Variants in GPR149 observed in about 807,000 individuals in gnomAD.
GPR149 encodes the protein G protein-coupled receptor 149.
A neutral mutation model predicts 50.2 loss-of-function variants in GPR149; 50 were observed. The observed-to-expected ratio is 1.00, with a 90% CI of 0.79 to 1.26. The LOEUF (loss-of-function observed/expected upper bound fraction) is 1.26. Among genes scored for constraint, GPR149 ranks in the 50% most tolerant of loss-of-function variants. GPR149 has a pLI of 0.00. For missense variants in GPR149, 983 were observed against 895.4 expected (o/e 1.10, Z -1.25); for synonymous variants, 405 against 358.2 (o/e 1.13, Z -1.48).
rs373212063 is a variant in GPR149, at chr3:154,341,292, CATATATATAT to C, written c.1624-3031_1624-3022del. On this transcript the variant is annotated intron_variant, in intron 3 of 3. Transcript: ENST00000389740. ...GCAAAAAATCAAGAAAAAAATAAGA[CATATATATAT>C]ATATATATATATATATATATATATA... Among the ~76,000 whole-genome samples, 402 of 72,882 alleles carry C rather than the reference CATATATATAT, an allele frequency of 5.5e-3. 4 individuals carry two copies. Among genetic ancestry groups the C allele is most frequent in the Admixed American group, 0.021 (112 of 5,242 alleles). 47.8% of individuals were successfully genotyped at this position (72,882 alleles called of 152,430 possible).
chr3:154,378,530 G>A lies in GPR149; in HGVS notation c.1624-40259C>T, dbSNP rs141162028. On this transcript the variant is annotated intron_variant, in intron 3 of 3. Transcript: ENST00000389740. ...GGACACATGTTTTTAATTTTTTTTG[G>A]TAGAATGCTAGGAGTGGAATTCCTG... is the stretch of plus-strand genomic sequence containing the variant. Among the ~76,000 whole-genome samples, 1,477 of 152,176 alleles carry A rather than the reference G, an allele frequency of 9.7e-3. 18 individuals are homozygous for A. Among genetic ancestry groups the A allele is most frequent in the Non-Finnish European group, 0.015 (996 of 68,008 alleles).
intron 3 of GPR149, among the ~76,000 whole-genome samples, chr3:154,341,325 ATATATATAT>A (rs1559968370): frequency 1.1e-5 from 1 of 94,130 alleles, no homozygotes; most frequent in African/African-American, 3.7e-5. Context: ...ATATATATAT[ATATATATAT>A]ATATATAAAA....
intron 3 of GPR149, among the ~76,000 whole-genome samples, chr3:154,397,617 A>G (rs1464246472): frequency 6.6e-6 from 1 of 152,158 alleles, no homozygotes; most frequent in Non-Finnish European, 1.5e-5. Flanking sequence ...TGTTGAAAAT[A>G]CTATATAATA....
At chr3:154,369,818 C>T (rs1419252681) in intron 3 of GPR149, among the ~76,000 whole-genome samples, 1 of 152,204 alleles carries the variant, frequency 6.6e-6, no homozygotes, top group Non-Finnish European at 1.5e-5. Context: ...CTTGATCAGA[C>T]CTTAAGTCCT....
intron 3 of GPR149, among the ~76,000 whole-genome samples, chr3:154,351,064 C>T (rs1172524456): frequency 1.3e-5 from 2 of 151,638 alleles, no homozygotes; most frequent in Non-Finnish European, 2.9e-5. Context: ...ATATAGGAAC[C>T]CACAGATACA....
At chr3:154,340,873 C>T (rs962147050) in intron 3 of GPR149, among the ~76,000 whole-genome samples, 1 of 152,116 alleles carries the variant, frequency 6.6e-6, no homozygotes, top group African/African-American at 2.4e-5. Context: ...AGGTGCGTGC[C>T]ACCACACCTG....
chr3:154,378,960 G>GTTTTTTTTT (rs1233646436), intron 3 of GPR149, among the ~76,000 whole-genome samples: 1 of 18,308 alleles, frequency 5.5e-5, no homozygotes. Context: ...TCCTTTATCG[G>GTTTTTTTTT]CCGGGCGCGG....
intron 3 of GPR149, among the ~76,000 whole-genome samples, chr3:154,408,007 A>G (rs1178116561): frequency 3.3e-5 from 5 of 152,138 alleles, no homozygotes; most frequent in Admixed American, 6.5e-5. Context: ...ATGGCCAAAT[A>G]TAGGATAGTT....
At position 154,421,105 on chromosome 3, in the gene GPR149, C is replaced by G. The variant is rs1267745992; in HGVS notation, c.1557G>C (p.Glu519Asp). Residue 519 changes from glutamate to aspartate, a missense_variant, in exon 3 of 4, where the codon GAG (glutamate) becomes GAC (aspartate). Transcript: ENST00000389740. ...EGPERRLSHE[E>D]SQKPDLSDWE... ...AGTCTGAAAGATCTGGTTTCTGACT[C>G]TCTTCATGAGACAGTCTTCTTTCTG... The G allele has an allele frequency of 3.1e-6, 5 of 1,613,220 alleles. No individual in the cohort carries two copies. In the Admixed American group the frequency reaches 5.0e-5, roughly 16 times the overall value.
In GPR149 at chr3:154,338,166, C is replaced by T. The variant is rs192779142; in HGVS notation, c.1729G>A (p.Ala577Thr). 77 of 1,614,092 alleles carry T rather than the reference C, an allele frequency of 4.8e-5. No individual in the cohort carries two copies. The highest frequency in any genetic ancestry group is 2.3e-4 in the Admixed American group (14 of 60,012). The change falls in exon 4 of 4, where the codon GCA becomes ACA. Residue 577 changes from alanine (A) to threonine (T), a missense_variant. Ala to Thr is a moderately conservative substitution (Grantham distance 58, BLOSUM62 0). Coordinates refer to ENST00000389740, the MANE Select transcript of GPR149 (RefSeq NM_001038705.3). Reference sequence around the variant, plus strand: ...GCTGGAGTTATTTTTTGCCCTTCTGCGCTTACCTCATAGGTAGAAAGAGAT... The same window carrying T: ...GCTGGAGTTATTTTTTGCCCTTCTGTGCTTACCTCATAGGTAGAAAGAGAT... ...TLSLSTYEVS[A>T]EGQKITPASK...
chr3:154,415,591 A>T (rs1363763355), intron 3 of GPR149, among the ~76,000 whole-genome samples: 1 of 151,962 alleles, frequency 6.6e-6, no homozygotes, highest in Non-Finnish European at 1.5e-5. Flanking sequence ...AGCAGAGCGC[A>T]TGCAGTACAT....
intron 3 of GPR149, chr3:154,353,390 T>G (rs1335460090): frequency 7.8e-7 from 1 of 1,280,844 alleles, no homozygotes; most frequent in East Asian, 2.3e-5. Flanking sequence ...GGTCTTCAGA[T>G]TCAGTTTTGT....
At chr3:154,413,220 A>C (rs1375487668) in intron 3 of GPR149, among the ~76,000 whole-genome samples, 1 of 152,102 alleles carries the variant, frequency 6.6e-6, no homozygotes, top group Non-Finnish European at 1.5e-5. Flanking sequence ...AATTGGCAAA[A>C]CCCTTCTAGA....
intron 3 of GPR149, among the ~76,000 whole-genome samples, chr3:154,355,427 T>A (rs937707045): frequency 6.6e-6 from 1 of 152,224 alleles, no homozygotes; most frequent in Admixed American, 6.5e-5. Flanking sequence ...CTGCAATAAA[T>A]CCTTAGGGAA....
intron 3 of GPR149, among the ~76,000 whole-genome samples, chr3:154,382,955 G>T (rs1515651): frequency 1.3e-5 from 2 of 151,984 alleles, no homozygotes; most frequent in South Asian, 4.2e-4. Context: ...GAAATTAGTG[G>T]GGCAGGATTA....
chr3:154,427,521 T>C lies in GPR149; in HGVS notation c.1169A>G (p.Lys390Arg). 1 of 1,606,110 alleles carries C rather than the reference T, an allele frequency of 6.2e-7. No homozygotes were observed. Among genetic ancestry groups the C allele is most frequent in the Non-Finnish European group, 8.5e-7 (1 of 1,176,878 alleles). ...QNAYAVASDGKKIKRKGFEFN... is the reference protein window; with the variant it reads ...QNAYAVASDGRKIKRKGFEFN... Reference sequence around the variant, plus strand: ...CTGCAGTGTTGAGGACTTACTTTTTTTCCCATCGGACGCCACTGCATATGC... The same window carrying C: ...CTGCAGTGTTGAGGACTTACTTTTTCTCCCATCGGACGCCACTGCATATGC... Residue 390 changes from lysine (K) to arginine (R), a missense_variant, in exon 2 of 4, where the codon AAA (lysine) becomes AGA (arginine). Coordinates refer to ENST00000389740, the MANE Select transcript of GPR149 (RefSeq NM_001038705.3).
chr3:154,335,972 A>T lies in GPR149; in HGVS notation c.*1727T>A, dbSNP rs1324481880. 1 of 152,134 alleles carries T rather than the reference A, an allele frequency of 6.6e-6. No individual in the cohort carries two copies. The highest frequency in any genetic ancestry group is 6.5e-5 in the Admixed American group (1 of 15,280). The allele number at this position is 152,134 out of a possible 1,614,324, so 9.4% of individuals were successfully genotyped here. A position where few individuals can be genotyped will look rare whatever the true frequency, so the allele number is the denominator to read the frequency against. Reference sequence around the variant, plus strand: ...ATATTCAATTCAATTTTTCTTTTATAAAGACATTTAATGCTACTGATTTAT... The same window carrying T: ...ATATTCAATTCAATTTTTCTTTTATTAAGACATTTAATGCTACTGATTTAT... On this transcript the variant is annotated 3_prime_UTR_variant, in exon 4 of 4. Transcript: ENST00000389740.
chr3:154,353,769 G>T, intron 3 of GPR149: 1 of 757,886 alleles, frequency 1.3e-6, no homozygotes. Flanking sequence ...TGGCAAAAAA[G>T]AATGTCTTTC....
rs1412801477 is a variant in GPR149 at position 154,429,822 on chromosome 3, A to T, written c.-207T>A. The T allele has an allele frequency of 5.0e-5, 3 of 59,666 alleles. No individual in the cohort carries two copies. The highest frequency in any genetic ancestry group is 1.7e-4 in the Admixed American group (1 of 5,748). The allele number at this position is 59,666 out of a possible 1,614,324, so 3.7% of individuals were successfully genotyped here. A position where few individuals can be genotyped will look rare whatever the true frequency, so the allele number is the denominator to read the frequency against. ...AAAAATTAGGTTCCATTTCAAGCATAAAAAAAAAAAAACCCGAACAGATAA... is the reference window on the plus strand; with the variant it reads ...AAAAATTAGGTTCCATTTCAAGCATTAAAAAAAAAAAACCCGAACAGATAA... On this transcript the variant is annotated 5_prime_UTR_variant, in exon 1 of 4. It introduces an in-frame stop codon into an upstream open reading frame of the 5' UTR. Coordinates refer to ENST00000389740, the MANE Select transcript of GPR149 (RefSeq NM_001038705.3).
Sources: allele counts gnomAD v4.1 joint callset (sites outside exome capture counted in the v4.1 genomes callset), GRCh38; gene constraint gnomAD v4.1.1; transcripts MANE v1.5; gene names NCBI Gene and HGNC (gene_info 2026-07-23, HGNC 2026-07-21).